The following CIB4 variants were observed in gnomAD, a reference collection of about 807,000 sequenced individuals.
CIB4 encodes calcium and integrin binding family member 4.
Under a neutral mutation model 25.8 loss-of-function variants are expected in CIB4, and 25 were observed. That is an observed-to-expected ratio of 0.97 (90% CI 0.71 to 1.35). The LOEUF is 1.35. CIB4 is among the 40% of genes most tolerant of loss of function. The probability of loss-of-function intolerance (pLI) is 0.00; values close to 1 mark genes in which losing one functional copy is unlikely to be tolerated. For missense variants in CIB4, 235 were observed against 228.2 expected (o/e 1.03, Z -0.19); for synonymous variants, 75 against 81.4 (o/e 0.92, Z 0.42).
chr2:26,609,526 G>A (rs1405803818), intron 3 of CIB4, among the ~76,000 whole-genome samples: 5 of 152,114 alleles, frequency 3.3e-5, no homozygotes, highest in East Asian at 1.9e-4. Flanking sequence ...TGCAGGAGAC[G>A]GAGGCAGAGG....
chr2:26,583,722 G>A (rs974928034), intron 5 of CIB4, 67 bp downstream of exon 5: 3 of 1,049,234 alleles, frequency 2.9e-6, no homozygotes, highest in South Asian at 1.3e-5. Context: ...GACATCCGGG[G>A]GCTTTGGGTG....
chr2:26,606,947 G>C (rs1354436548), intron 3 of CIB4, among the ~76,000 whole-genome samples: 1 of 152,148 alleles, frequency 6.6e-6, no homozygotes, highest in Non-Finnish European at 1.5e-5. Context: ...CAGTAAAAAT[G>C]TTAAATATTA....
intron 5 of CIB4, among the ~76,000 whole-genome samples, 163 bp from the exon 6 acceptor site, chr2:26,583,076 G>A (rs1450587595): frequency 1.3e-5 from 2 of 152,132 alleles, no homozygotes; most frequent in African/African-American, 4.8e-5. Flanking sequence ...ATTAGGTTAT[G>A]TGCACCAAAG....
At chr2:26,582,293 G>A (rs779317953) in intron 6 of CIB4, among the ~76,000 whole-genome samples, 4 of 152,212 alleles carry the variant, frequency 2.6e-5, no homozygotes, top group African/African-American at 7.2e-5. Context: ...GAAAGCAGCA[G>A]CACCCCAAAA....
chr2:26,606,327 G>T (rs545533368), intron 3 of CIB4, among the ~76,000 whole-genome samples: 1 of 152,324 alleles, frequency 6.6e-6, no homozygotes, highest in South Asian at 2.1e-4. Context: ...ACAGGACAGT[G>T]AGGCTGGGAG....
intron 3 of CIB4, among the ~76,000 whole-genome samples, chr2:26,595,780 T>C (rs562877774): frequency 6.6e-6 from 1 of 152,344 alleles, no homozygotes; most frequent in African/African-American, 2.4e-5. Flanking sequence ...GGGAATGAGA[T>C]ACCAAGCTTC....
At chr2:26,638,126 A>G (rs1231582290) in intron 2 of CIB4, among the ~76,000 whole-genome samples, 2 of 152,210 alleles carry the variant, frequency 1.3e-5, no homozygotes, top group Admixed American at 1.3e-4. Flanking sequence ...GGGGCAGGAC[A>G]GAAAGAGCTT....
At position 26,581,304 on chromosome 2, in the gene CIB4, A is replaced by AT; in HGVS notation, c.*58_*59insA. On this transcript the variant is annotated 3_prime_UTR_variant, in exon 7 of 7. Coordinates refer to ENST00000288861, the MANE Select transcript of CIB4 (RefSeq NM_001029881.3). ...TCAAACCAGCTCCCTCCAGTGCTGG[A>AT]GGGGGTTCGATTCCTGTGGTCTCCC... The AT allele has an allele frequency of 7.0e-7, 1 of 1,429,654 alleles. No homozygotes were observed. The highest frequency in any genetic ancestry group is 9.9e-7 in the Non-Finnish European group (1 of 1,012,102). 88.6% of individuals were successfully genotyped at this position (1,429,654 alleles called of 1,614,324 possible).
At chr2:26,635,572 C>T (rs936717069) in intron 2 of CIB4, among the ~76,000 whole-genome samples, 1 of 152,178 alleles carries the variant, frequency 6.6e-6, no homozygotes, top group African/African-American at 2.4e-5. Context: ...TCAAAAGTGA[C>T]CAGGGCTTCG....
chr2:26,590,549 C>A (rs1310620675), intron 4 of CIB4, among the ~76,000 whole-genome samples: 1 of 152,188 alleles, frequency 6.6e-6, no homozygotes, highest in Non-Finnish European at 1.5e-5. Flanking sequence ...CCATGCCCGC[C>A]TTCTCCTTTC....
intron 2 of CIB4, among the ~76,000 whole-genome samples, chr2:26,636,987 G>A (rs914722551): frequency 6.6e-6 from 1 of 152,072 alleles, no homozygotes; most frequent in Non-Finnish European, 1.5e-5. Context: ...AATACCTGGT[G>A]TCCCTTAGCT....
chr2:26,635,120 C>T (rs1669507671), intron 2 of CIB4, among the ~76,000 whole-genome samples: 1 of 152,262 alleles, frequency 6.6e-6, no homozygotes, highest in African/African-American at 2.4e-5. Flanking sequence ...CAGAGTCAGA[C>T]AATGCTGCCC....
chr2:26,598,534 A>G (rs1668723184), intron 3 of CIB4, among the ~76,000 whole-genome samples: 1 of 152,186 alleles, frequency 6.6e-6, no homozygotes, highest in South Asian at 2.1e-4. Flanking sequence ...AGTATGGAGC[A>G]GGGGACACTG....
At chr2:26,585,316 C>G (rs1329976662) in intron 4 of CIB4, among the ~76,000 whole-genome samples, 2 of 151,664 alleles carry the variant, frequency 1.3e-5, no homozygotes, top group African/African-American at 2.4e-5. Context: ...CCCTGGGGTG[C>G]TTGGCAGGAG....
chr2:26,610,037 G>A (rs982127048), intron 3 of CIB4, among the ~76,000 whole-genome samples: 11 of 152,152 alleles, frequency 7.2e-5, no homozygotes, highest in Non-Finnish European at 1.5e-4. Context: ...GCTGGGTTCC[G>A]CTTGGAGTGG....
intron 3 of CIB4, among the ~76,000 whole-genome samples, chr2:26,603,956 T>G (rs920230561): frequency 6.8e-6 from 1 of 147,110 alleles, no homozygotes; most frequent in Non-Finnish European, 1.5e-5. Flanking sequence ...TGAGCCAAGA[T>G]TGTGCCACTG....
At chr2:26,610,910 C>T (rs1475881809) in intron 3 of CIB4, among the ~76,000 whole-genome samples, 2 of 152,102 alleles carry the variant, frequency 1.3e-5, no homozygotes, top group Non-Finnish European at 2.9e-5. Context: ...TGAGCTCCTT[C>T]CCTGGAATGT....
At chr2:26,616,968 A>G (rs1164511909) in intron 3 of CIB4, among the ~76,000 whole-genome samples, 2 of 152,328 alleles carry the variant, frequency 1.3e-5, no homozygotes, top group East Asian at 3.9e-4. Flanking sequence ...GAGCAGGGAC[A>G]GCTCAGGCAA....
At chr2:26,617,331 G>A (rs892522949) in intron 3 of CIB4, among the ~76,000 whole-genome samples, 1 of 152,112 alleles carries the variant, frequency 6.6e-6, no homozygotes, top group African/African-American at 2.4e-5. Flanking sequence ...GTTGGCAAGA[G>A]CAAAAATTCA....
Sources: gnomAD v4.1 joint callset for allele counts (sites outside exome capture counted in the v4.1 genomes callset) on GRCh38, gnomAD v4.1.1 for gene constraint, MANE v1.5 for transcripts, NCBI Gene and HGNC (gene_info 2026-07-23, HGNC 2026-07-21) for gene names.